NUFIP1: variants seen among roughly 807,000 people sequenced by gnomAD.
The protein encoded by NUFIP1 is nuclear FMR1 interacting protein 1.
A neutral mutation model predicts 56.2 loss-of-function variants in NUFIP1; 38 were observed. That is an observed-to-expected ratio of 0.68 (90% confidence interval 0.52 to 0.89). NUFIP1 has a LOEUF of 0.89. Ranked by LOEUF, NUFIP1 falls within the 40% of genes least tolerant of loss-of-function variation. NUFIP1 has a pLI of 0.00. For missense variants in NUFIP1, 567 were observed against 605.8 expected (o/e 0.94, Z 0.67); for synonymous variants, 215 against 212.4 (o/e 1.01, Z -0.10).
In NUFIP1 at chr13:44,980,445, C is replaced by G. The variant is rs146875504; in HGVS notation, c.594+277G>C. Among the ~76,000 whole-genome samples the G allele has an allele frequency of 2.3e-3, 351 of 152,298 alleles. 1 individual carries two copies. The highest frequency in any genetic ancestry group is 3.7e-3 in the Non-Finnish European group (253 of 68,028). On this transcript the variant is annotated intron_variant, in intron 3 of 9. Coordinates refer to ENST00000379161, the MANE Select transcript of NUFIP1 (RefSeq NM_012345.3). ...GAACTCATTAAGATGCACAAGGTAA[C>G]TAGAGGAGAGGACAGCCTCTTCCCA...
chr13:44,989,265 C>G lies in NUFIP1; in HGVS notation c.172G>C (p.Gly58Arg), dbSNP rs768999147. Residue 58 changes from glycine to arginine, a missense_variant, in exon 1 of 10, where the codon GGG (glycine) becomes CGG (arginine). Transcript: ENST00000379161. Reference protein sequence around the residue: ...PPLTSSLPAAGSKPSSESQPP... With the variant: ...PPLTSSLPAARSKPSSESQPP... The stretch of plus-strand genomic sequence containing the variant: ...TGCGACTCAGAGGAAGGCTTTGACC[C>G]GGCTGCGGGAAGCGAGGACGTAAGT... 1 of 1,613,334 alleles carries G rather than the reference C, an allele frequency of 6.2e-7. No individual in the cohort carries two copies. The highest frequency in any genetic ancestry group is 8.5e-7 in the Non-Finnish European group (1 of 1,179,802).
intron 5 of NUFIP1, among the ~76,000 whole-genome samples, chr13:44,976,961 C>T (rs1872003131): frequency 6.6e-6 from 1 of 152,156 alleles, no homozygotes; most frequent in Non-Finnish European, 1.5e-5. Flanking sequence ...AGGGTTCTGC[C>T]TTCATGACCC....
chr13:44,970,577 T>C (rs1415624013), intron 5 of NUFIP1, among the ~76,000 whole-genome samples: 1 of 152,174 alleles, frequency 6.6e-6, no homozygotes, highest in African/African-American at 2.4e-5. Flanking sequence ...GCCACACCAA[T>C]GTGGAACTTA....
rs1434010418 is a variant in NUFIP1, at chr13:44,939,387, C to T, written c.*1819G>A. 1 of 152,136 alleles carries T rather than the reference C, an allele frequency of 6.6e-6. No individual in the cohort carries two copies. Among genetic ancestry groups the T allele is most frequent in the Non-Finnish European group, 1.5e-5 (1 of 68,002 alleles). 9.4% of individuals were successfully genotyped at this position (152,136 alleles called of 1,614,324 possible). A position where few individuals can be genotyped will look rare whatever the true frequency, so the allele number is the denominator to read the frequency against. On this transcript the variant is annotated 3_prime_UTR_variant, in exon 10 of 10. Coordinates refer to ENST00000379161, the MANE Select transcript of NUFIP1 (RefSeq NM_012345.3). ...TATTTCAGTTATAAAAGGCACAACT[C>T]ACCAATAGTCATGTAATGCTTACAT... is the stretch of plus-strand genomic sequence containing the variant.
chr13:44,944,016 T>C (rs1158621485), intron 8 of NUFIP1, among the ~76,000 whole-genome samples: 5 of 152,274 alleles, frequency 3.3e-5, no homozygotes, highest in Middle Eastern at 3.4e-3. Flanking sequence ...CTTTTTTTCC[T>C]CATTGGCAAA....
At chr13:44,944,757 T>C (rs1870856867) in intron 8 of NUFIP1, among the ~76,000 whole-genome samples, 1 of 151,918 alleles carries the variant, frequency 6.6e-6, no homozygotes, top group Non-Finnish European at 1.5e-5. Context: ...GAAAACTAGC[T>C]AGAAAACCCC....
chr13:44,949,429 C>T (rs1871010721), intron 8 of NUFIP1, among the ~76,000 whole-genome samples: 1 of 151,782 alleles, frequency 6.6e-6, no homozygotes, highest in Admixed American at 6.6e-5. Context: ...TCTCGATCTC[C>T]TGACCTCGTG....
At chr13:44,971,456 A>G (rs1042692143) in intron 5 of NUFIP1, among the ~76,000 whole-genome samples, 2 of 152,178 alleles carry the variant, frequency 1.3e-5, no homozygotes, top group Non-Finnish European at 2.9e-5. Context: ...GCCACCAGCA[A>G]GCCTATTAAA....
At chr13:44,981,873 A>C (rs911387310) in intron 2 of NUFIP1, among the ~76,000 whole-genome samples, 199 bp downstream of exon 2, 1 of 152,212 alleles carries the variant, frequency 6.6e-6, no homozygotes, top group Non-Finnish European at 1.5e-5. Flanking sequence ...CACAGAAAAG[A>C]AACAAAAATT....
intron 9 of NUFIP1, among the ~76,000 whole-genome samples, chr13:44,941,859 C>A (rs894965831): frequency 2.0e-5 from 3 of 152,074 alleles, no homozygotes; most frequent in African/African-American, 7.2e-5. Flanking sequence ...TATTTGGAGT[C>A]CTCTCTAAGA....
rs757287717 is a variant in NUFIP1, at chr13:44,989,469, T to C, written c.-33A>G. 1 of 1,609,110 alleles carries C rather than the reference T, an allele frequency of 6.2e-7. No individual in the cohort carries two copies. The highest frequency in any genetic ancestry group is 1.1e-5 in the South Asian group (1 of 90,540). On this transcript the variant is annotated 5_prime_UTR_variant, in exon 1 of 10. Coordinates refer to ENST00000379161, the MANE Select transcript of NUFIP1 (RefSeq NM_012345.3). ...GCGGGTCCGGAGTCTAGCACGCGAC[T>C]GTGGAGCAAGCATTAGGCGTCACTT...
intron 5 of NUFIP1, among the ~76,000 whole-genome samples, chr13:44,977,689 T>A (rs1872030669): frequency 6.6e-6 from 1 of 152,224 alleles, no homozygotes. Context: ...TAGCCACAGA[T>A]GCTCTTGAAA....
At chr13:44,978,509 G>A (rs1872067594) in intron 5 of NUFIP1, among the ~76,000 whole-genome samples, 1 of 152,168 alleles carries the variant, frequency 6.6e-6, no homozygotes, top group Admixed American at 6.6e-5. Flanking sequence ...TGAGAAGGCA[G>A]TATAACAGTG....
At position 44,941,304 on chromosome 13, in the gene NUFIP1, G is replaced by A. The variant is rs372190571; in HGVS notation, c.1390C>T (p.Arg464Ter). The change falls in exon 10 of 10, where the codon CGA becomes TGA. Residue 464 changes from arginine (R) to a stop codon, truncating the protein, a stop_gained. Transcript: ENST00000379161. LOFTEE classifies it high-confidence loss of function. ...LLEMLLAPDI[R>*]HERNVILQCV... ...TGCAAAATCACATTTCTTTCATGTCGAATGTCCGGAGCTAGAAGCTAAAAC... is the reference window on the plus strand; with the variant it reads ...TGCAAAATCACATTTCTTTCATGTCAAATGTCCGGAGCTAGAAGCTAAAAC... 3.7e-6 allele frequency: 6 copies of A among 1,607,440 alleles called. No homozygotes were observed. Among genetic ancestry groups the A allele is most frequent in the East Asian group, 2.2e-5 (1 of 44,734 alleles).
intron 7 of NUFIP1, among the ~76,000 whole-genome samples, chr13:44,956,416 G>T (rs537190275): frequency 1.3e-5 from 2 of 152,156 alleles, no homozygotes; most frequent in South Asian, 4.2e-4. Flanking sequence ...GAGGGTGGGG[G>T]GTGGATTGGG....
At chr13:44,963,843 A>G (rs1453785225) in intron 6 of NUFIP1, among the ~76,000 whole-genome samples, 1 of 152,222 alleles carries the variant, frequency 6.6e-6, no homozygotes, top group African/African-American at 2.4e-5. Flanking sequence ...GCTATGTTCT[A>G]GACACATACA....
chr13:44,982,452 T>A (rs1305111069), intron 1 of NUFIP1, among the ~76,000 whole-genome samples: 1 of 152,156 alleles, frequency 6.6e-6, no homozygotes, highest in Non-Finnish European at 1.5e-5. Flanking sequence ...ATATTAGAAA[T>A]GTAACCAGTA....
intron 5 of NUFIP1, among the ~76,000 whole-genome samples, chr13:44,975,180 T>C (rs1163650385): frequency 2.0e-5 from 3 of 152,124 alleles, no homozygotes; most frequent in Non-Finnish European, 4.4e-5. Flanking sequence ...CAAGGTTCAA[T>C]ATTAGGCTAC....
At chr13:44,956,032 A>T in intron 7 of NUFIP1, among the ~76,000 whole-genome samples, 1 of 150,208 alleles carries the variant, frequency 6.7e-6, no homozygotes. Context: ...AGTCCCAGCT[A>T]CTCGGGAGGC....
Sources: gnomAD v4.1 joint callset for allele counts (sites outside exome capture counted in the v4.1 genomes callset) on GRCh38, gnomAD v4.1.1 for gene constraint, MANE v1.5 for transcripts, NCBI Gene and HGNC (gene_info 2026-07-23, HGNC 2026-07-21) for gene names.